The following NXPE2 variants were observed in gnomAD, a reference collection of about 807,000 sequenced individuals.
NXPE2 encodes the protein neurexophilin and PC-esterase domain family member 2.
Under a neutral mutation model 34.4 loss-of-function variants are expected in NXPE2, and 34 were observed. That is an observed-to-expected ratio of 0.99 (90% CI 0.75 to 1.31). The LOEUF (loss-of-function observed/expected upper bound fraction) is 1.31. Among genes scored for constraint, NXPE2 ranks in the 40% most tolerant of loss-of-function variants. The probability of loss-of-function intolerance (pLI) is 0.00; values close to 1 mark genes in which losing one functional copy is unlikely to be tolerated. For synonymous variants in NXPE2, 235 were observed against 231.3 expected, an observed-to-expected ratio of 1.02 and a Z score of -0.15; for missense variants, 649 against 672.5, an observed-to-expected ratio of 0.97 and a Z score of 0.39.
At chr11:114,767,943 C>T in the NXPE2 span, among the ~76,000 whole-genome samples, 1 of 152,070 alleles carries the variant, frequency 6.6e-6, no homozygotes, top group Non-Finnish European at 1.5e-5. Flanking sequence ...ATCTCCTAAG[C>T]TTCAATGTTC....
the NXPE2 span, among the ~76,000 whole-genome samples, chr11:114,585,337 G>A: frequency 6.6e-6 from 1 of 152,000 alleles, no homozygotes; most frequent in African/African-American, 2.4e-5. Context: ...CAGAATGGTT[G>A]AGTAGATTTT....
the NXPE2 span, among the ~76,000 whole-genome samples, chr11:114,621,180 C>T: frequency 1.3e-5 from 2 of 151,788 alleles, no homozygotes; most frequent in Admixed American, 6.6e-5. Context: ...AGTGTTGCCT[C>T]GTGGGTAACC....
chr11:114,758,081 A>G, the NXPE2 span, among the ~76,000 whole-genome samples: 9 of 152,336 alleles, frequency 5.9e-5, no homozygotes, highest in Non-Finnish European at 1.0e-4. Context: ...ACAGGTGTAG[A>G]AAGAGTGAAT....
chr11:114,578,970 A>G, the NXPE2 span, among the ~76,000 whole-genome samples: 2 of 152,184 alleles, frequency 1.3e-5, no homozygotes, highest in East Asian at 3.8e-4. Flanking sequence ...TTAATCTTCT[A>G]TACAGACTTG....
chr11:114,530,065 T>A, the NXPE2 span: 1 of 1,165,636 alleles, frequency 8.6e-7, no homozygotes, highest in Non-Finnish European at 1.2e-6. Context: ...ATGTCTTACC[T>A]TGAGTACAGG....
At chr11:114,785,077 G>T in the NXPE2 span, among the ~76,000 whole-genome samples, 1 of 152,000 alleles carries the variant, frequency 6.6e-6, no homozygotes, top group Non-Finnish European at 1.5e-5. Context: ...CTGTGATCTC[G>T]TATTCTATTA....
the NXPE2 span, among the ~76,000 whole-genome samples, chr11:114,805,577 C>T: frequency 7.9e-5 from 12 of 152,344 alleles, no homozygotes; most frequent in East Asian, 7.7e-4. Flanking sequence ...ACGCCCACGG[C>T]GTCTCGCTCA....
At chr11:114,517,469 G>T in the NXPE2 span, among the ~76,000 whole-genome samples, 2 of 152,116 alleles carry the variant, frequency 1.3e-5, no homozygotes, top group African/African-American at 4.8e-5. Flanking sequence ...GTTCACAGAA[G>T]ATTTATTTTT....
the NXPE2 span, among the ~76,000 whole-genome samples, chr11:114,514,759 A>C: frequency 6.6e-6 from 1 of 152,146 alleles, no homozygotes; most frequent in Non-Finnish European, 1.5e-5. Context: ...TTCTTTATTC[A>C]GCAGTGTTTA....
chr11:114,533,333 G>A, the NXPE2 span, among the ~76,000 whole-genome samples: 1 of 152,150 alleles, frequency 6.6e-6, no homozygotes. Context: ...AATAAGAACA[G>A]CTCCAGTCTA....
chr11:114,668,382 T>C, the NXPE2 span, among the ~76,000 whole-genome samples: 1 of 151,830 alleles, frequency 6.6e-6, no homozygotes, highest in Non-Finnish European at 1.5e-5. Context: ...AACTATGAGA[T>C]AATAAATGTT....
downstream of NXPE2, among the ~76,000 whole-genome samples, chr11:114,708,094 A>G (rs1434400975): frequency 1.3e-5 from 2 of 152,226 alleles, no homozygotes; most frequent in East Asian, 3.8e-4. Flanking sequence ...TGTGCAGCCC[A>G]GAAATGCATA....
chr11:114,733,294 C>T, the NXPE2 span, among the ~76,000 whole-genome samples: 38 of 152,210 alleles, frequency 2.5e-4, no homozygotes, highest in East Asian at 7.8e-4. Context: ...GGGGTTTCAC[C>T]GTGTTAGCCA....
chr11:114,718,891 T>C, the NXPE2 span, among the ~76,000 whole-genome samples: 2 of 152,112 alleles, frequency 1.3e-5, no homozygotes, highest in Non-Finnish European at 2.9e-5. Context: ...CCCAAAGTAA[T>C]GGTATTAAGA....
the NXPE2 span, among the ~76,000 whole-genome samples, chr11:114,783,861 G>C: frequency 3.3e-5 from 5 of 152,310 alleles, no homozygotes; most frequent in South Asian, 2.1e-4. Context: ...GGTGAATTTG[G>C]AGATGCTGGT....
At chr11:114,778,224 T>C in the NXPE2 span, among the ~76,000 whole-genome samples, 2 of 151,692 alleles carry the variant, frequency 1.3e-5, no homozygotes, top group African/African-American at 4.9e-5. Context: ...TCTAGAAGAG[T>C]GTCCCAAACA....
At chr11:114,754,391 G>A in the NXPE2 span, among the ~76,000 whole-genome samples, 2 of 152,302 alleles carry the variant, frequency 1.3e-5, no homozygotes, top group South Asian at 4.2e-4. Flanking sequence ...CCATGTGAAA[G>A]TGACACTATA....
the NXPE2 span, among the ~76,000 whole-genome samples, chr11:114,601,635 AATT>A: frequency 1.2e-5 from 1 of 80,644 alleles, no homozygotes. Flanking sequence ...TATTATTTAT[AATT>A]ATATATAATT....
chr11:114,656,560 A>C, the NXPE2 span, among the ~76,000 whole-genome samples: 1 of 152,066 alleles, frequency 6.6e-6, no homozygotes, highest in Non-Finnish European at 1.5e-5. Flanking sequence ...CCTCAAAGAG[A>C]TGTTGTGATA....
Sources: gnomAD v4.1 joint callset for allele counts (sites outside exome capture counted in the v4.1 genomes callset) on GRCh38, gnomAD v4.1.1 for gene constraint, MANE v1.5 for transcripts, NCBI Gene and HGNC (gene_info 2026-07-23, HGNC 2026-07-21) for gene names.